MLIP: variants seen among roughly 807,000 people sequenced by gnomAD.
MLIP encodes muscular LMNA interacting protein, also known as muscular LMNA-interacting protein.
A neutral mutation model predicts 84.8 loss-of-function variants in MLIP; 79 were observed. The ratio of observed to expected loss-of-function variants is 0.93; its 90% CI spans 0.78 to 1.12. MLIP has a LOEUF of 1.12. Ranked by LOEUF, MLIP falls within the 50% of genes most tolerant of loss-of-function variation. The pLI, the probability that MLIP is intolerant of heterozygous loss-of-function variation, is 0.00. For missense variants in MLIP, 1,257 were observed against 1,160.6 expected (o/e 1.08, Z -1.21); for synonymous variants, 504 against 463.0 (o/e 1.09, Z -1.14).
intron 1 of MLIP, among the ~76,000 whole-genome samples, chr6:54,038,685 T>A (rs1454958572): frequency 1.3e-5 from 2 of 151,912 alleles, no homozygotes; most frequent in Admixed American, 1.3e-4. Flanking sequence ...TCTGACACTT[T>A]GCTCTCTGCT....
chr6:54,045,319 C>T (rs775360638), intron 1 of MLIP: 13 of 145,158 alleles, frequency 9.0e-5, no homozygotes, highest in Non-Finnish European at 1.6e-4. Flanking sequence ...TGCCCTCCAG[C>T]CTGGGCGGCA....
At chr6:54,227,468 G>A (rs1349389864) in intron 11 of MLIP, among the ~76,000 whole-genome samples, 2 of 152,118 alleles carry the variant, frequency 1.3e-5, no homozygotes, top group Non-Finnish European at 2.9e-5. Context: ...TTTCCAAAAT[G>A]TTACATATAA....
At chr6:54,192,969 G>C (rs1227255042) in intron 10 of MLIP, among the ~76,000 whole-genome samples, 1 of 152,072 alleles carries the variant, frequency 6.6e-6, no homozygotes, top group Non-Finnish European at 1.5e-5. Context: ...ACTTTTTAAC[G>C]ATACATCATT....
chr6:54,124,706 A>AG lies in MLIP; in HGVS notation c.492dup (p.Ile165AspfsTer20), dbSNP rs767692253. 6.2e-7 allele frequency: 1 copy of AG among 1,614,138 alleles called. No individual in the cohort carries two copies. Among genetic ancestry groups the AG allele is most frequent in the Non-Finnish European group, 8.5e-7 (1 of 1,179,994 alleles). On this transcript the variant is annotated frameshift_variant, in exon 3 of 14. Transcript: ENST00000502396. LOFTEE classifies it high-confidence loss of function. ...GCAGAAAAGTTGAACAAGGCCCCCC[A>AG]GGGGGGATTGGCACCGCAGCTGTCC...
chr6:54,143,184 C>A (rs540765046), intron 4 of MLIP, among the ~76,000 whole-genome samples: 1 of 151,462 alleles, frequency 6.6e-6, no homozygotes, highest in East Asian at 1.9e-4. Context: ...AGCTTGTCTT[C>A]CTCTCTAACC....
In MLIP at chr6:54,189,855, G is replaced by A; in HGVS notation, c.2545-15G>A. 2 of 1,579,394 alleles carry A rather than the reference G, an allele frequency of 1.3e-6. No homozygotes were observed. The highest frequency in any genetic ancestry group is 1.7e-6 in the Non-Finnish European group (2 of 1,149,488). The stretch of plus-strand genomic sequence containing the variant: ...TATGAGTTTCACTAATAAATGCCAT[G>A]TTTATGTTTTGCAGGCAAATCTCTC... On this transcript the variant is annotated splice_polypyrimidine_tract_variant and intron_variant, in intron 9 of 13. Transcript: ENST00000502396.
intron 11 of MLIP, among the ~76,000 whole-genome samples, chr6:54,212,038 C>T (rs1017142414): frequency 2.3e-4 from 35 of 152,224 alleles, no homozygotes; most frequent in African/African-American, 7.7e-4. Flanking sequence ...CAAATATTGT[C>T]CCATGTAGCT....
At chr6:54,261,827 C>A in intron 13 of MLIP, 3 of 716,762 alleles carry the variant, frequency 4.2e-6, no homozygotes, top group Non-Finnish European at 5.1e-6. Context: ...TCTTTTCAGG[C>A]AATTTTCCAA....
chr6:54,155,472 A>G (rs1773925016), intron 5 of MLIP, among the ~76,000 whole-genome samples: 1 of 152,146 alleles, frequency 6.6e-6, no homozygotes, highest in Non-Finnish European at 1.5e-5. Context: ...AATTTTTGAA[A>G]TTCAATCAAA....
chr6:54,073,008 C>T (rs1029823975), intron 1 of MLIP, among the ~76,000 whole-genome samples: 5 of 152,204 alleles, frequency 3.3e-5, no homozygotes, highest in Non-Finnish European at 7.3e-5. Context: ...ACCCCCTTCC[C>T]TCAACATTGC....
At chr6:54,162,484 A>G (rs1042590647) in intron 8 of MLIP, among the ~76,000 whole-genome samples, 2 of 151,952 alleles carry the variant, frequency 1.3e-5, no homozygotes, top group Non-Finnish European at 2.9e-5. Context: ...ACATAGAACC[A>G]TGGTGGGAAT....
At chr6:54,075,247 CAAA>C (rs35589839) in intron 1 of MLIP, among the ~76,000 whole-genome samples, 23 of 93,878 alleles carry the variant, frequency 2.4e-4, no homozygotes, top group African/African-American at 8.9e-4. Context: ...AACTCCGTCT[CAAA>C]AAAAAAAAAA....
At chr6:54,028,790 A>T (rs747704836) in intron 1 of MLIP, 6 of 152,220 alleles carry the variant, frequency 3.9e-5, no homozygotes, top group African/African-American at 7.2e-5. Context: ...CCTTCTTTTC[A>T]GCCCTTCTTT....
chr6:54,237,606 G>A (rs1781451821), intron 12 of MLIP, among the ~76,000 whole-genome samples: 1 of 150,786 alleles, frequency 6.6e-6, no homozygotes, highest in African/African-American at 2.4e-5. Context: ...AACACTTTGA[G>A]AAGCCAAGGT....
chr6:54,259,635 G>A (rs1458578750), intron 13 of MLIP, among the ~76,000 whole-genome samples: 1 of 151,800 alleles, frequency 6.6e-6, no homozygotes, highest in Non-Finnish European at 1.5e-5. Flanking sequence ...GGATAAGATT[G>A]CCATAAAATG....
intron 4 of MLIP, 23 bp from the exon 5 acceptor site, chr6:54,149,033 T>G (rs1773162952): frequency 1.9e-6 from 3 of 1,605,326 alleles, no homozygotes; most frequent in Non-Finnish European, 1.7e-6. Flanking sequence ...TCTCTACTCT[T>G]GCTTTCTGGT....
intron 12 of MLIP, among the ~76,000 whole-genome samples, chr6:54,249,452 A>C (rs1305117153): frequency 6.6e-6 from 1 of 152,044 alleles, no homozygotes; most frequent in Non-Finnish European, 1.5e-5. Flanking sequence ...TTAAATCTTT[A>C]AGACATATAG....
intron 2 of MLIP, among the ~76,000 whole-genome samples, chr6:54,123,296 A>G (rs1302846700): frequency 1.3e-5 from 2 of 152,206 alleles, no homozygotes; most frequent in Non-Finnish European, 1.5e-5. Flanking sequence ...ATTGGATTCC[A>G]ACTGAATAAA....
At chr6:54,223,111 T>G (rs1344935251) in intron 11 of MLIP, among the ~76,000 whole-genome samples, 1 of 152,018 alleles carries the variant, frequency 6.6e-6, no homozygotes, top group African/African-American at 2.4e-5. Flanking sequence ...TGAGGTTTTT[T>G]TCAAATACAT....
Sources: allele counts gnomAD v4.1 joint callset (sites outside exome capture counted in the v4.1 genomes callset), GRCh38; gene constraint gnomAD v4.1.1; transcripts MANE v1.5; gene names NCBI Gene and HGNC (gene_info 2026-07-23, HGNC 2026-07-21).